TMEM132B: variants seen among roughly 807,000 people sequenced by gnomAD.
TMEM132B encodes transmembrane protein 132B.
A neutral mutation model predicts 90.8 loss-of-function variants in TMEM132B; 18 were observed. The ratio of observed to expected loss-of-function variants is 0.20; its 90% CI spans 0.14 to 0.29. The LOEUF (loss-of-function observed/expected upper bound fraction) is 0.29, where lower values mean the gene tolerates loss of function less well. Among genes scored for constraint, TMEM132B ranks in the 10% least tolerant of loss-of-function variants. The pLI is 1.00. For missense variants in TMEM132B, 1,096 were observed against 1,326.8 expected (o/e 0.83, Z 2.70); for synonymous variants, 504 against 523.3 (o/e 0.96, Z 0.50).
chr12:125,570,259 T>C (rs373886300), intron 4 of TMEM132B, among the ~76,000 whole-genome samples: 2 of 152,366 alleles, frequency 1.3e-5, no homozygotes, highest in East Asian at 3.9e-4. Context: ...ATTTGTAGTC[T>C]GTTGTTTCAG....
rs546589513 is a variant in TMEM132B at position 125,186,431 on chromosome 12, AGGC to A, written c.-349_-347del. 2.8e-5 allele frequency among the ~76,000 whole-genome samples: 4 copies of A among 144,514 alleles called. No individual in the cohort carries two copies. Among genetic ancestry groups the A allele is most frequent in the Non-Finnish European group, 4.6e-5 (3 of 65,368 alleles). 94.8% of individuals were successfully genotyped at this position (144,514 alleles called of 152,430 possible). A position where few individuals can be genotyped will look rare whatever the true frequency, so the allele number is the denominator to read the frequency against. On this transcript the variant is annotated 5_prime_UTR_variant, in exon 1 of 9. Transcript: ENST00000682704. This position sits in a 1 kb window ranked among gnomAD's most constrained non-coding sequence, Gnocchi z 6.3. ...GGCGGCCGGCAGATGGCGATGGCAG[AGGC>A]GGCGGCGGCGGCGGCGGCGCGACCG...
At chr12:125,434,666 C>G (rs1022925458) in intron 3 of TMEM132B, among the ~76,000 whole-genome samples, 9 of 152,352 alleles carry the variant, frequency 5.9e-5, no homozygotes, top group African/African-American at 2.2e-4. Flanking sequence ...TCTCCAGGCT[C>G]TGGCCACTGC....
intron 1 of TMEM132B, among the ~76,000 whole-genome samples, chr12:125,282,049 AAAAAAAAAAAAG>A (rs1417920607): frequency 0.1 from 11,534 of 110,624 alleles, 1,350 homozygotes; most frequent in Non-Finnish European, 0.15. Context: ...AAAAAAAAAA[AAAAAAAAAAAAG>A]AGAGACTTTT....
rs529360545 is a variant in TMEM132B at position 125,642,511 on chromosome 12, A to C, written c.1438-1565A>C. On this transcript the variant is annotated intron_variant, in intron 5 of 8. Transcript: ENST00000682704. ...TTTGGGGATGAGAGACACATTAGCT[A>C]TCAGGCCTAATGGTAGCTCTATCTA... 2.2e-4 allele frequency among the ~76,000 whole-genome samples: 33 copies of C among 152,342 alleles called. 1 individual carries two copies. The South Asian group carries it at 4.8e-3, about 22-fold the overall frequency.
intron 4 of TMEM132B, among the ~76,000 whole-genome samples, chr12:125,556,357 T>C (rs1884386491): frequency 6.6e-6 from 1 of 152,212 alleles, no homozygotes; most frequent in African/African-American, 2.4e-5. Flanking sequence ...AACCCACTGC[T>C]TCTGCCCTTG....
chr12:125,262,488 T>C (rs1162323502), intron 1 of TMEM132B, among the ~76,000 whole-genome samples: 1 of 152,192 alleles, frequency 6.6e-6, no homozygotes, highest in Non-Finnish European at 1.5e-5. Flanking sequence ...CATCCCCACT[T>C]AGAAACAGGC....
intron 2 of TMEM132B, among the ~76,000 whole-genome samples, chr12:125,402,175 ACTAT>A (rs369737347): frequency 1.9e-4 from 29 of 152,192 alleles, no homozygotes; most frequent in Non-Finnish European, 3.4e-4. Flanking sequence ...TTGTTTACTT[ACTAT>A]CTATCTATCT....
chr12:125,391,985 C>T (rs886954905), intron 2 of TMEM132B, among the ~76,000 whole-genome samples: 15 of 152,124 alleles, frequency 9.9e-5, no homozygotes, highest in African/African-American at 3.1e-4. Flanking sequence ...AGGCTGGTCT[C>T]CCAACTCCTG....
intron 4 of TMEM132B, among the ~76,000 whole-genome samples, chr12:125,535,071 T>C (rs12422594): frequency 6.6e-6 from 1 of 152,198 alleles, no homozygotes; most frequent in Admixed American, 6.5e-5. Flanking sequence ...TTATTAATTG[T>C]TTATAACCTA....
intron 1 of TMEM132B, among the ~76,000 whole-genome samples, chr12:125,341,141 C>T (rs1174921589): frequency 6.6e-6 from 1 of 152,192 alleles, no homozygotes; most frequent in East Asian, 1.9e-4. Context: ...TTTCCTCTGG[C>T]AGCAGAACAT....
intron 1 of TMEM132B, among the ~76,000 whole-genome samples, chr12:125,331,231 C>G (rs535061074): frequency 7.3e-4 from 111 of 152,342 alleles, no homozygotes; most frequent in Admixed American, 1.4e-3. Context: ...CTCCGCGTTG[C>G]TGCCCCAGGA....
chr12:125,624,409 A>G (rs1380606068), intron 5 of TMEM132B, among the ~76,000 whole-genome samples: 3 of 152,104 alleles, frequency 2.0e-5, no homozygotes, highest in Non-Finnish European at 2.9e-5. Flanking sequence ...GGCCCCATCC[A>G]TGATCTTAGG....
intron 1 of TMEM132B, chr12:125,301,640 A>T (rs1875826420): frequency 6.6e-6 from 1 of 152,288 alleles, no homozygotes; most frequent in Non-Finnish European, 1.5e-5. Flanking sequence ...GCACTTTGGG[A>T]GGCTGAGGCA....
At chr12:125,568,935 C>T (rs1370139896) in intron 4 of TMEM132B, among the ~76,000 whole-genome samples, 2 of 152,172 alleles carry the variant, frequency 1.3e-5, no homozygotes, top group Admixed American at 6.5e-5. Context: ...CAATTGTATC[C>T]TTTTGCAGTG....
intron 4 of TMEM132B, among the ~76,000 whole-genome samples, chr12:125,549,776 T>TA (rs1884174059): frequency 6.6e-6 from 1 of 152,236 alleles, no homozygotes; most frequent in Non-Finnish European, 1.5e-5. Flanking sequence ...CTTTCAAGTA[T>TA]GTTAGTTGTT....
Position 125,582,178 on chromosome 12 carries a change from C to T in TMEM132B, c.1294-1673C>T, listed in dbSNP as rs1010196714. Among the ~76,000 whole-genome samples the T allele has an allele frequency of 3.3e-5, 5 of 151,798 alleles. No homozygotes were observed. The South Asian group carries it at 1.0e-3, about 32-fold the overall frequency. ...AAAATGGGAATAATATCCGTAACTA[C>T]CTTGGGAGAGCTGAGAAAACTGAAT... On this transcript the variant is annotated intron_variant, in intron 4 of 8. Transcript: ENST00000682704.
intron 1 of TMEM132B, among the ~76,000 whole-genome samples, chr12:125,232,192 G>GT (rs760708390): frequency 6.6e-6 from 1 of 152,140 alleles, no homozygotes; most frequent in East Asian, 1.9e-4. Context: ...GTTGTTTCTA[G>GT]TTTTTTTCCT....
chr12:125,402,282 C>T (rs189535572), intron 2 of TMEM132B, among the ~76,000 whole-genome samples: 13 of 152,282 alleles, frequency 8.5e-5, no homozygotes, highest in Non-Finnish European at 1.5e-4. Context: ...CTCCACCACC[C>T]GGGTTCAAGC....
chr12:125,383,166 G>A (rs756623243), intron 2 of TMEM132B, among the ~76,000 whole-genome samples: 3 of 152,052 alleles, frequency 2.0e-5, no homozygotes, highest in Non-Finnish European at 2.9e-5. Context: ...TTGATTTGTT[G>A]CTCAAAGACC....
Sources: gnomAD v4.1 joint callset for allele counts (sites outside exome capture counted in the v4.1 genomes callset) on GRCh38, gnomAD v4.1.1 for gene constraint, Gnocchi (gnomAD v3.1) non-coding constraint, MANE v1.5 for transcripts, NCBI Gene and HGNC (gene_info 2026-07-23, HGNC 2026-07-21) for gene names.